The following SPPL3 variants were observed in gnomAD, a reference collection of about 807,000 sequenced individuals.
SPPL3 encodes signal peptide peptidase like 3.
In SPPL3, 5 loss-of-function variants were observed where a neutral mutation model predicts 42.4. The observed-to-expected ratio is 0.12, with a 90% CI of 0.06 to 0.25. The LOEUF (loss-of-function observed/expected upper bound fraction) is 0.25, where lower values mean the gene tolerates loss of function less well. Among genes scored for constraint, SPPL3 ranks in the 10% least tolerant of loss-of-function variants. SPPL3 has a pLI of 1.00. For synonymous variants in SPPL3, 195 were observed against 181.8 expected, an observed-to-expected ratio of 1.07 and a Z score of -0.58; for missense variants, 235 against 489.0, an observed-to-expected ratio of 0.48 and a Z score of 4.90.
intron 1 of SPPL3, among the ~76,000 whole-genome samples, chr12:120,811,689 G>T (rs1247160138): frequency 6.6e-6 from 1 of 152,040 alleles, no homozygotes; most frequent in Non-Finnish European, 1.5e-5. Flanking sequence ...CAGGCTTTTT[G>T]TTGTTGTTGT....
chr12:120,846,277 G>A (rs906419196), intron 1 of SPPL3, among the ~76,000 whole-genome samples: 1 of 152,130 alleles, frequency 6.6e-6, no homozygotes, highest in African/African-American at 2.4e-5. Context: ...CATTCCAAGA[G>A]TAACAATAAA....
intron 2 of SPPL3, among the ~76,000 whole-genome samples, chr12:120,808,845 C>T (rs141156862): frequency 6.6e-6 from 1 of 152,264 alleles, no homozygotes; most frequent in African/African-American, 2.4e-5. Context: ...AGGGTTGAGT[C>T]TAAAGATGGC....
intron 1 of SPPL3, among the ~76,000 whole-genome samples, chr12:120,884,272 GTTTC>G (rs758709502): frequency 2.0e-5 from 3 of 152,076 alleles, no homozygotes; most frequent in Non-Finnish European, 4.4e-5. Flanking sequence ...TAATCCTATA[GTTTC>G]TTTAACTGGT....
intron 1 of SPPL3, among the ~76,000 whole-genome samples, chr12:120,842,739 T>C (rs1404861850): frequency 6.6e-6 from 1 of 152,070 alleles, no homozygotes; most frequent in Non-Finnish European, 1.5e-5. Flanking sequence ...CTTCATCACT[T>C]AATCACTTAC....
chr12:120,778,477 C>T (rs1417142948), intron 6 of SPPL3, among the ~76,000 whole-genome samples: 2 of 152,052 alleles, frequency 1.3e-5, no homozygotes, highest in Non-Finnish European at 2.9e-5. Context: ...TTCCCACATG[C>T]ATTTACAGAG....
intron 10 of SPPL3, among the ~76,000 whole-genome samples, 165 bp downstream of exon 10, chr12:120,766,098 G>GCA (rs750703823): frequency 0.022 from 3,141 of 143,840 alleles, 64 homozygotes; most frequent in African/African-American, 0.048. Flanking sequence ...TAGCGCGCGC[G>GCA]CGCACACACA....
intron 6 of SPPL3, among the ~76,000 whole-genome samples, chr12:120,773,478 C>T (rs1455672727): frequency 1.3e-5 from 2 of 152,060 alleles, no homozygotes; most frequent in African/African-American, 2.4e-5. Context: ...CAGGAGTCTG[C>T]GGGGAGTGAG....
At chr12:120,890,083 T>C (rs915619342) in intron 1 of SPPL3, among the ~76,000 whole-genome samples, 1 of 151,648 alleles carries the variant, frequency 6.6e-6, no homozygotes, top group Non-Finnish European at 1.5e-5. Flanking sequence ...CTGTCTCTAC[T>C]GAAAATACAA....
intron 2 of SPPL3, among the ~76,000 whole-genome samples, chr12:120,808,086 CTTTTTTT>C (rs63135760): frequency 1.5e-5 from 2 of 132,820 alleles, no homozygotes; most frequent in South Asian, 2.4e-4. Flanking sequence ...AGTTTCTTTT[CTTTTTTT>C]TTTTTTTTTG....
At chr12:120,890,588 CAA>C (rs34253596) in intron 1 of SPPL3, among the ~76,000 whole-genome samples, 39,772 of 90,164 alleles carry the variant, frequency 0.44, 5,560 homozygotes, top group East Asian at 0.53. Flanking sequence ...GACTCCGTCT[CAA>C]AAAAAAAAAA....
At chr12:120,848,692 A>G (rs1872124991) in intron 1 of SPPL3, among the ~76,000 whole-genome samples, 1 of 152,192 alleles carries the variant, frequency 6.6e-6, no homozygotes, top group African/African-American at 2.4e-5. Flanking sequence ...TGATTGTTCC[A>G]TTTCTCAAAA....
chr12:120,861,842 G>A (rs144962034), intron 1 of SPPL3, among the ~76,000 whole-genome samples: 2 of 152,296 alleles, frequency 1.3e-5, no homozygotes, highest in East Asian at 3.9e-4. Flanking sequence ...AGAACAGAAG[G>A]GCTGTGAGGG....
intron 1 of SPPL3, among the ~76,000 whole-genome samples, chr12:120,898,458 CAGAG>C (rs1302473153): frequency 6.6e-6 from 1 of 151,794 alleles, no homozygotes; most frequent in Non-Finnish European, 1.5e-5. Context: ...TGTCATCCCT[CAGAG>C]AGACACACAC....
chr12:120,841,061 C>T (rs1871810647), intron 1 of SPPL3, among the ~76,000 whole-genome samples: 1 of 152,136 alleles, frequency 6.6e-6, no homozygotes, highest in East Asian at 1.9e-4. Context: ...TGCAGTGGCT[C>T]ATACCTATAA....
intron 1 of SPPL3, among the ~76,000 whole-genome samples, chr12:120,892,400 T>G (rs1873667682): frequency 6.6e-6 from 1 of 151,848 alleles, no homozygotes; most frequent in South Asian, 2.1e-4. Flanking sequence ...CCTGCGCCAA[T>G]CAGAAAGAAG....
intron 9 of SPPL3, 143 bp from the exon 10 acceptor site, chr12:120,766,515 G>T: frequency 1.7e-6 from 1 of 585,174 alleles, no homozygotes; most frequent in Non-Finnish European, 2.9e-6. Context: ...AGCTTGGGCA[G>T]TTGAAGAAAT....
At chr12:120,773,250 C>T (rs1423414873) in intron 6 of SPPL3, among the ~76,000 whole-genome samples, 1 of 152,190 alleles carries the variant, frequency 6.6e-6, no homozygotes, top group Non-Finnish European at 1.5e-5. Flanking sequence ...GAGTCAATAA[C>T]CAGGACATTA....
At chr12:120,889,073 G>C (rs1179939) in intron 1 of SPPL3, among the ~76,000 whole-genome samples, 73,437 of 151,808 alleles carry the variant, frequency 0.48, 17,944 homozygotes, top group East Asian at 0.56. Flanking sequence ...CTCAGCCTCC[G>C]GAAATGCTGA....
chr12:120,792,549 A>AAT (rs1172807353), intron 2 of SPPL3, among the ~76,000 whole-genome samples: 1 of 151,788 alleles, frequency 6.6e-6, no homozygotes, highest in African/African-American at 2.4e-5. Flanking sequence ...AAAATACAAA[A>AAT]ATTTGCTGGG....
Sources: gnomAD v4.1 joint callset for allele counts (sites outside exome capture counted in the v4.1 genomes callset) on GRCh38, gnomAD v4.1.1 for gene constraint, MANE v1.5 for transcripts, NCBI Gene and HGNC (gene_info 2026-07-23, HGNC 2026-07-21) for gene names.